Variants in TEKT1 observed in about 807,000 individuals in gnomAD.
The protein encoded by TEKT1 is tektin-1.
In TEKT1, 32 loss-of-function variants were observed where a neutral mutation model predicts 34.8. The ratio of observed to expected loss-of-function variants is 0.92; its 90% confidence interval spans 0.69 to 1.23. TEKT1 has a LOEUF of 1.23. Ranked by LOEUF, TEKT1 falls within the 50% of genes most tolerant of loss-of-function variation. The pLI is 0.00. For synonymous variants in TEKT1, 207 were observed against 199.8 expected (o/e 1.04, Z -0.30); for missense variants, 492 against 518.5 (o/e 0.95, Z 0.50).
chr17:6,826,983 C>T (rs374340985), intron 2 of TEKT1, among the ~76,000 whole-genome samples: 39 of 152,246 alleles, frequency 2.6e-4, no homozygotes, highest in African/African-American at 8.4e-4. Flanking sequence ...GTGTAAGCCA[C>T]GGCGCCTGGC....
chr17:6,823,823 T>TC (rs1356277801), intron 2 of TEKT1, among the ~76,000 whole-genome samples: 1 of 141,932 alleles, frequency 7.0e-6, no homozygotes, highest in Non-Finnish European at 1.5e-5. Flanking sequence ...TCCTTTTTTT[T>TC]TTTTTTTTTT....
At chr17:6,815,101 G>GTC (rs1976985270) in intron 5 of TEKT1, 62 bp downstream of exon 5, 2 of 1,559,844 alleles carry the variant, frequency 1.3e-6, no homozygotes, top group East Asian at 4.5e-5. Context: ...GAGCCGCTAG[G>GTC]TCTTGCCTAT....
At chr17:6,809,063 T>A (rs983725911) in intron 6 of TEKT1, among the ~76,000 whole-genome samples, 2 of 152,168 alleles carry the variant, frequency 1.3e-5, no homozygotes, top group African/African-American at 4.8e-5. Context: ...AATTCCCATA[T>A]GCTTTCTCCC....
Position 6,800,077 on chromosome 17 carries a change from C to T in TEKT1, c.1207G>A (p.Glu403Lys). 5 of 1,613,088 alleles carry T rather than the reference C, an allele frequency of 3.1e-6. No individual in the cohort carries two copies. Among genetic ancestry groups the T allele is most frequent in the Middle Eastern group, 3.3e-4 (2 of 6,006 alleles). ...MRKSIPLRDG[E>K]DHGVWAGGLR... ...CCCCCAGCCCAGACCCCATGGTCTTCCCCATCCCGAAGTGGGATGGATTTC... is the reference window on the plus strand; with the variant it reads ...CCCCCAGCCCAGACCCCATGGTCTTTCCCATCCCGAAGTGGGATGGATTTC... Residue 403 changes from glutamate to lysine, a missense_variant, in exon 8 of 8, where the codon GAA (glutamate) becomes AAA (lysine). Physicochemically the swap from Glu to Lys is moderately conservative, Grantham distance 56. Coordinates refer to ENST00000338694, the MANE Select transcript of TEKT1 (RefSeq NM_053285.2).
intron 3 of TEKT1, among the ~76,000 whole-genome samples, chr17:6,816,560 C>A (rs1186528891): frequency 1.3e-5 from 2 of 152,180 alleles, no homozygotes; most frequent in Non-Finnish European, 2.9e-5. Context: ...AGGACATGAA[C>A]TCTTCCTTTT....
rs550043885 is a variant in TEKT1, at chr17:6,817,790, C to T, written c.356+1403G>A. ...AAAATGGGGGTAATTATTAGTACTT[C>T]ATAGGATTGTGGCACACTACAAATG... On this transcript the variant is annotated intron_variant, in intron 3 of 7. Coordinates refer to ENST00000338694, the MANE Select transcript of TEKT1 (RefSeq NM_053285.2). Among the ~76,000 whole-genome samples the T allele has an allele frequency of 9.8e-5, 15 of 152,292 alleles. No individual in the cohort carries two copies. In the South Asian group the frequency reaches 3.1e-3, roughly 32 times the overall value.
rs1321126773 is a variant in TEKT1, at chr17:6,812,826, C to A, written c.852+5G>T. ...CTTCTTCCATGCTCCCTCAAGGGACCTCACCTTGGCCAGATGATCAGCCAG... is the reference window on the plus strand; with the variant it reads ...CTTCTTCCATGCTCCCTCAAGGGACATCACCTTGGCCAGATGATCAGCCAG... On this transcript the variant is annotated splice_donor_5th_base_variant and intron_variant, in intron 6 of 7. Coordinates refer to ENST00000338694, the MANE Select transcript of TEKT1 (RefSeq NM_053285.2). The A allele has an allele frequency of 6.2e-7, 1 of 1,612,848 alleles. No homozygotes were observed. Among genetic ancestry groups the A allele is most frequent in the Non-Finnish European group, 8.5e-7 (1 of 1,179,570 alleles).
At chr17:6,829,515 CTTT>C (rs34702459) in intron 2 of TEKT1, among the ~76,000 whole-genome samples, 7 of 137,630 alleles carry the variant, frequency 5.1e-5, no homozygotes, top group African/African-American at 1.1e-4. Flanking sequence ...CTTTTTCTTT[CTTT>C]TTTTTTTTTT....
chr17:6,816,877 A>G lies in TEKT1; in HGVS notation c.357-915T>C, dbSNP rs143772775. Among the ~76,000 whole-genome samples, 115 of 152,220 alleles carry G rather than the reference A, an allele frequency of 7.6e-4. 1 individual carries two copies. Among genetic ancestry groups the G allele is most frequent in the African/African-American group, 2.7e-3 (112 of 41,542 alleles). ...TGTAAAAGCATTCCTATTTCTCCACATCCTCTCCAGCATCTGTTGTTTCCT... is the reference window on the plus strand; with the variant it reads ...TGTAAAAGCATTCCTATTTCTCCACGTCCTCTCCAGCATCTGTTGTTTCCT... On this transcript the variant is annotated intron_variant, in intron 3 of 7. Coordinates refer to ENST00000338694, the MANE Select transcript of TEKT1 (RefSeq NM_053285.2).
chr17:6,819,699 T>C (rs28699304), intron 2 of TEKT1, among the ~76,000 whole-genome samples: 7,108 of 152,270 alleles, frequency 0.047, 529 homozygotes, highest in African/African-American at 0.16. Flanking sequence ...CCTGTCCCCA[T>C]CCATTTGAGA....
chr17:6,807,875 C>T (rs1282459784), intron 6 of TEKT1, among the ~76,000 whole-genome samples: 1 of 152,172 alleles, frequency 6.6e-6, no homozygotes, highest in Admixed American at 6.5e-5. Flanking sequence ...TCAGTCTGCC[C>T]CTACTGGGGG....
At chr17:6,812,682 G>A in intron 6 of TEKT1, 149 bp downstream of exon 6, 2 of 741,844 alleles carry the variant, frequency 2.7e-6, no homozygotes, top group Non-Finnish European at 4.3e-6. Flanking sequence ...CTGCTGCTAA[G>A]CTTGAGAGAT....
At chr17:6,814,508 C>T (rs1263855047) in intron 5 of TEKT1, among the ~76,000 whole-genome samples, 1 of 152,112 alleles carries the variant, frequency 6.6e-6, no homozygotes, top group Non-Finnish European at 1.5e-5. Flanking sequence ...TTTGTATGAA[C>T]ATGCAGCTAA....
At chr17:6,831,198 G>A (rs1322358298) in intron 1 of TEKT1, among the ~76,000 whole-genome samples, 1 of 152,130 alleles carries the variant, frequency 6.6e-6, no homozygotes, top group Non-Finnish European at 1.5e-5. Flanking sequence ...GTCGGCAGTG[G>A]AAACGCTAAA....
chr17:6,826,023 C>A (rs1318604748), intron 2 of TEKT1, among the ~76,000 whole-genome samples: 1 of 152,234 alleles, frequency 6.6e-6, no homozygotes, highest in Non-Finnish European at 1.5e-5. Context: ...ACTGCCAAAG[C>A]TTTCCAAAGT....
rs977496157 is a variant in TEKT1 at position 6,798,226 on chromosome 17, C to T, written c.*1801G>A. On this transcript the variant is annotated 3_prime_UTR_variant, in exon 8 of 8. Transcript: ENST00000338694. ...AAGTTGAGTAACTTGGCGGGGATCA[C>T]ATCACAGGTAGAGCGTGGAGCTGAT... is the stretch of plus-strand genomic sequence containing the variant. 4 of 152,216 alleles carry T rather than the reference C, an allele frequency of 2.6e-5. No individual in the cohort carries two copies. Among genetic ancestry groups the T allele is most frequent in the Non-Finnish European group, 4.4e-5 (3 of 68,050 alleles). 9.4% of individuals were successfully genotyped at this position (152,216 alleles called of 1,614,324 possible).
At chr17:6,808,130 G>C (rs557085734) in intron 6 of TEKT1, among the ~76,000 whole-genome samples, 1 of 152,272 alleles carries the variant, frequency 6.6e-6, no homozygotes, top group South Asian at 2.1e-4. Flanking sequence ...TCGAGCTTCA[G>C]GGCTGCTTTG....
intron 3 of TEKT1, among the ~76,000 whole-genome samples, chr17:6,817,347 C>T (rs1338772930): frequency 6.6e-6 from 1 of 151,884 alleles, no homozygotes; most frequent in Non-Finnish European, 1.5e-5. Flanking sequence ...TCCACTCCAG[C>T]CTGGGCAACA....
chr17:6,812,740 G>A (rs1351255697), intron 6 of TEKT1, 91 bp downstream of exon 6: 1 of 1,251,976 alleles, frequency 8.0e-7, no homozygotes, highest in African/African-American at 1.5e-5. Flanking sequence ...AAGCCCAGAA[G>A]TCTAGCGGTC....
Sources: gnomAD v4.1 joint callset for allele counts (sites outside exome capture counted in the v4.1 genomes callset) on GRCh38, gnomAD v4.1.1 for gene constraint, MANE v1.5 for transcripts, NCBI Gene and HGNC (gene_info 2026-07-23, HGNC 2026-07-21) for gene names.